The following HSPA12A variants were observed in gnomAD, a reference collection of about 807,000 sequenced individuals.
The protein encoded by HSPA12A is heat shock protein family A (Hsp70) member 12A, also known as heat shock 70 kDa protein 12A.
HSPA12A carries 28 observed loss-of-function variants against 69.2 expected under a neutral mutation model. The ratio of observed to expected loss-of-function variants is 0.40; its 90% CI spans 0.30 to 0.55. HSPA12A has a LOEUF of 0.55. HSPA12A is among the 20% of genes least tolerant of loss of function. The pLI, the probability that HSPA12A is intolerant of heterozygous loss-of-function variation, is 0.38. For missense variants in HSPA12A, 686 were observed against 900.7 expected (o/e 0.76, Z 3.05); for synonymous variants, 345 against 370.5 (o/e 0.93, Z 0.79).
chr10:116,849,979 G>A, upstream of HSPA12A: 1 of 676,402 alleles, frequency 1.5e-6, no homozygotes, highest in Admixed American at 2.1e-5. Context: ...AGGCGTATTT[G>A]ACCTGCAGCG....
chr10:116,676,399 G>A lies in HSPA12A; in HGVS notation c.1390C>T (p.Arg464Trp), dbSNP rs781927735. 25 of 1,612,218 alleles carry A rather than the reference G, an allele frequency of 1.6e-5. No homozygotes were observed. Among genetic ancestry groups the A allele is most frequent in the African/African-American group, 1.1e-4 (8 of 74,882 alleles). ...GTGGCCGAGCCTGGCTGATACTTAC[G>A]GAGATGCTCAATGATGCTATCGATG... is the stretch of plus-strand genomic sequence containing the variant. ...PTIDSIIEHL[R>W]DLFQKPEVST... Residue 464 changes from arginine (R) to tryptophan (W), a missense_variant and splice_region_variant, in exon 11 of 12, where the codon CGG becomes TGG. Arg to Trp is a moderately radical substitution (Grantham distance 101, BLOSUM62 -3). Transcript: ENST00000369209.
At chr10:116,741,051 A>G (rs1006551) in intron 1 of HSPA12A, among the ~76,000 whole-genome samples, 94,470 of 150,482 alleles carry the variant, frequency 0.63, 29,932 homozygotes, top group South Asian at 0.73. Flanking sequence ...GCCTGCGTTC[A>G]CCAGCTGAGG....
chr10:116,742,598 C>A (rs1476981475), upstream of HSPA12A: 1 of 1,101,492 alleles, frequency 9.1e-7, no homozygotes, highest in African/African-American at 1.7e-5. Context: ...GCTGCTCTGA[C>A]GCGGCAGCCG....
chr10:116,718,157 C>T (rs1554883990), intron 1 of HSPA12A, among the ~76,000 whole-genome samples: 1 of 152,212 alleles, frequency 6.6e-6, no homozygotes, highest in African/African-American at 2.4e-5. Flanking sequence ...CCAATTTCAT[C>T]ATGAACAGCC....
rs1589627479 is a variant in HSPA12A, at chr10:116,686,249, C to T, written c.664-2287G>A. On this transcript the variant is annotated intron_variant, in intron 6 of 11. Coordinates refer to ENST00000369209, the MANE Select transcript of HSPA12A (RefSeq NM_025015.3). The surrounding 1 kb of genome is among the most constrained non-coding windows in gnomAD (Gnocchi z 4.1). The stretch of plus-strand genomic sequence containing the variant: ...AAAGGTGAAACCTCTGAGCCTGGAT[C>T]CCAAGGGGTCGGGAGGAAGAAATCC... Among the ~76,000 whole-genome samples, 1 of 152,286 alleles carries T rather than the reference C, an allele frequency of 6.6e-6. No homozygotes were observed. The highest frequency in any genetic ancestry group is 1.9e-4 in the East Asian group (1 of 5,182).
chr10:116,729,324 C>T (rs528136082), intron 1 of HSPA12A, among the ~76,000 whole-genome samples: 130 of 152,300 alleles, frequency 8.5e-4, no homozygotes, highest in African/African-American at 3.0e-3. Flanking sequence ...ACGGTCCAGG[C>T]CTTGAGATCC....
intron 2 of HSPA12A, among the ~76,000 whole-genome samples, chr10:116,776,279 T>C (rs1844336342): frequency 6.6e-6 from 1 of 152,210 alleles, no homozygotes; most frequent in Non-Finnish European, 1.5e-5. Flanking sequence ...TGCCTCGGGA[T>C]TTCGCTCAAA....
At chr10:116,760,301 A>T (rs1260803104) in intron 2 of HSPA12A, among the ~76,000 whole-genome samples, 14 of 152,088 alleles carry the variant, frequency 9.2e-5, no homozygotes, top group Admixed American at 9.2e-4. Flanking sequence ...AAGAACTCTA[A>T]CCAGCCCATC....
At chr10:116,740,310 T>C (rs2133065090) in intron 1 of HSPA12A, among the ~76,000 whole-genome samples, 1 of 152,344 alleles carries the variant, frequency 6.6e-6, no homozygotes, top group South Asian at 2.1e-4. Flanking sequence ...ATGCACGCTC[T>C]TTTCCCAGCA....
intron 2 of HSPA12A, among the ~76,000 whole-genome samples, chr10:116,767,110 G>C (rs1236122316): frequency 1.3e-5 from 2 of 152,180 alleles, no homozygotes; most frequent in Non-Finnish European, 2.9e-5. Flanking sequence ...GGGGGCACCT[G>C]ATCTGGTTCT....
At position 116,675,363 on chromosome 10, in the gene HSPA12A, G is replaced by T. The variant is rs782735093; in HGVS notation, c.1446C>A (p.Gly482=). 2 of 1,610,838 alleles carry T rather than the reference G, an allele frequency of 1.2e-6. No individual in the cohort carries two copies. The highest frequency in any genetic ancestry group is 1.7e-6 in the Non-Finnish European group (2 of 1,179,036). Residue 482 remains glycine, a synonymous_variant, in exon 12 of 12, where the codon GGC becomes GGA. Transcript: ENST00000369209. This position sits in a 1 kb window ranked among gnomAD's most constrained non-coding sequence, Gnocchi z 5.2. ...GCAGCAGGGGCGCCTCGGCAAAGCCGCCCACCAGAAAGAGGAACTTGACGG... is the reference window on the plus strand; with the variant it reads ...GCAGCAGGGGCGCCTCGGCAAAGCCTCCCACCAGAAAGAGGAACTTGACGG... ...VSTVKFLFLV[G]GFAEAPLLQQ... is the part of the protein sequence containing the mutation.
At chr10:116,773,940 G>A (rs1303467662) in intron 2 of HSPA12A, among the ~76,000 whole-genome samples, 5 of 152,190 alleles carry the variant, frequency 3.3e-5, no homozygotes, top group Admixed American at 2.0e-4. Context: ...ACCTTGGGTA[G>A]GTTACTTACC....
intron 2 of HSPA12A, among the ~76,000 whole-genome samples, chr10:116,785,571 G>A (rs959384351): frequency 6.6e-6 from 1 of 152,060 alleles, no homozygotes; most frequent in African/African-American, 2.4e-5. Context: ...GGGTCAGCAG[G>A]TGCCCACTCA....
chr10:116,797,614 A>G (rs1844857906), intron 2 of HSPA12A, among the ~76,000 whole-genome samples: 1 of 152,248 alleles, frequency 6.6e-6, no homozygotes, highest in African/African-American at 2.4e-5. Context: ...AAGAAACAAA[A>G]TAAGCTGTTG....
chr10:116,680,146 T>C (rs1424685452), intron 9 of HSPA12A, among the ~76,000 whole-genome samples: 2 of 152,038 alleles, frequency 1.3e-5, no homozygotes, highest in African/African-American at 2.4e-5. Context: ...CGCACCACCA[T>C]GCCCGGCTAA....
At chr10:116,791,803 C>T (rs915149889) in intron 2 of HSPA12A, among the ~76,000 whole-genome samples, 1 of 152,050 alleles carries the variant, frequency 6.6e-6, no homozygotes, top group Non-Finnish European at 1.5e-5. Context: ...TCCTCTTCCA[C>T]GGGCATGTGG....
At chr10:116,711,222 TACA>T (rs1850415366) in intron 1 of HSPA12A, among the ~76,000 whole-genome samples, 1 of 152,124 alleles carries the variant, frequency 6.6e-6, no homozygotes, top group African/African-American at 2.4e-5. Flanking sequence ...ATAAAGCTAA[TACA>T]ACAACATCTC....
chr10:116,840,727 C>T (rs1664943335), intron 1 of HSPA12A, among the ~76,000 whole-genome samples: 1 of 152,158 alleles, frequency 6.6e-6, no homozygotes, highest in Non-Finnish European at 1.5e-5. Context: ...TTAATTCAGA[C>T]CGAATTCCTG....
chr10:116,679,050 A>G (rs1412808743), intron 10 of HSPA12A, among the ~76,000 whole-genome samples: 1 of 152,180 alleles, frequency 6.6e-6, no homozygotes, highest in Non-Finnish European at 1.5e-5. Flanking sequence ...CAACAAGCTG[A>G]GACACAAAAT....
Sources: allele counts gnomAD v4.1 joint callset (sites outside exome capture counted in the v4.1 genomes callset), GRCh38; gene constraint gnomAD v4.1.1; non-coding constraint Gnocchi (gnomAD v3.1); transcripts MANE v1.5; gene names NCBI Gene and HGNC (gene_info 2026-07-23, HGNC 2026-07-21).